MARCHF8: variants seen among roughly 807,000 people sequenced by gnomAD.
MARCHF8 encodes membrane associated ring-CH-type finger 8.
MARCHF8 carries 40 observed loss-of-function variants against 51.6 expected under a neutral mutation model. The ratio of observed to expected loss-of-function variants is 0.77; its 90% CI spans 0.60 to 1.01. The LOEUF (loss-of-function observed/expected upper bound fraction) is 1.01. Ranked by LOEUF, MARCHF8 falls within the 50% of genes least tolerant of loss-of-function variation. The pLI, the probability that MARCHF8 is intolerant of heterozygous loss-of-function variation, is 0.00. For synonymous variants in MARCHF8, 263 were observed against 280.3 expected (o/e 0.94, Z 0.62); for missense variants, 685 against 708.6 (o/e 0.97, Z 0.38).
chr10:45,519,858 T>C (rs958274001), intron 2 of MARCHF8, among the ~76,000 whole-genome samples: 1 of 152,178 alleles, frequency 6.6e-6, no homozygotes, highest in South Asian at 2.1e-4. Flanking sequence ...GTAAAACTTA[T>C]TGATGAGTGG....
At chr10:45,476,267 T>C (rs148030173) in intron 3 of MARCHF8, among the ~76,000 whole-genome samples, 6 of 152,246 alleles carry the variant, frequency 3.9e-5, no homozygotes, top group Admixed American at 6.5e-5. Context: ...AATAATGATA[T>C]TAAAACTCAG....
chr10:45,512,913 C>T (rs1017923531), intron 2 of MARCHF8, among the ~76,000 whole-genome samples: 4 of 152,048 alleles, frequency 2.6e-5, no homozygotes, highest in South Asian at 4.2e-4. Context: ...TCCTGTTGAT[C>T]GGTGACCTTA....
upstream of MARCHF8, among the ~76,000 whole-genome samples, chr10:45,537,110 G>A (rs2043984545): frequency 1.3e-5 from 2 of 151,854 alleles, no homozygotes; most frequent in African/African-American, 2.4e-5. Flanking sequence ...GTTATCATAT[G>A]ACCCAACAAC....
intron 2 of MARCHF8, among the ~76,000 whole-genome samples, chr10:45,508,958 T>C (rs779382169): frequency 1.3e-5 from 2 of 152,226 alleles, no homozygotes; most frequent in Non-Finnish European, 2.9e-5. Flanking sequence ...AAAAATTAAC[T>C]GCAGCCATTT....
intron 1 of MARCHF8, among the ~76,000 whole-genome samples, chr10:45,543,228 C>T (rs1166990616): frequency 1.3e-5 from 2 of 152,212 alleles, no homozygotes; most frequent in African/African-American, 2.4e-5. Context: ...TCCACCTCTG[C>T]AGATCTATCC....
At chr10:45,530,508 G>A (rs911504529) in intron 2 of MARCHF8, among the ~76,000 whole-genome samples, 1 of 152,216 alleles carries the variant, frequency 6.6e-6, no homozygotes, top group Non-Finnish European at 1.5e-5. Context: ...TGGGCCAGGT[G>A]CAGTGGCTCA....
intron 2 of MARCHF8, among the ~76,000 whole-genome samples, chr10:45,510,101 G>C (rs565169971): frequency 1.3e-5 from 2 of 152,208 alleles, no homozygotes; most frequent in African/African-American, 4.8e-5. Context: ...CTAACATCGG[G>C]AGGTTGGAAA....
intron 1 of MARCHF8, among the ~76,000 whole-genome samples, chr10:45,584,675 C>T (rs777387394): frequency 3.3e-5 from 5 of 152,162 alleles, no homozygotes; most frequent in South Asian, 2.1e-4. Context: ...GAAAGGACCA[C>T]GGAGATAAAA....
At chr10:45,478,899 G>C (rs919557612) in intron 3 of MARCHF8, among the ~76,000 whole-genome samples, 4 of 135,650 alleles carry the variant, frequency 2.9e-5, no homozygotes, top group Non-Finnish European at 6.8e-5. Flanking sequence ...TCCAGGATTG[G>C]ATGACTTCAC....
intron 7 of MARCHF8, 150 bp downstream of exon 7, chr10:45,458,969 GA>G (rs1369384984): frequency 1.1e-6 from 1 of 937,502 alleles, no homozygotes; most frequent in Non-Finnish European, 1.6e-6. Context: ...CACAGCAAAA[GA>G]AATGCCAAAA....
intron 3 of MARCHF8, among the ~76,000 whole-genome samples, chr10:45,487,207 C>A (rs2042996953): frequency 6.6e-6 from 1 of 152,126 alleles, no homozygotes; most frequent in African/African-American, 2.4e-5. Flanking sequence ...AATTCCAAAA[C>A]CCTTACAAAG....
chr10:45,533,241 C>G lies in MARCHF8; in HGVS notation c.-30G>C. Reference sequence around the variant, plus strand: ...ACCTCTTATCTGGTCGTCTTCTTCACAGAAGAGAGTCTCCACTGGTAGAGT... The same window carrying G: ...ACCTCTTATCTGGTCGTCTTCTTCAGAGAAGAGAGTCTCCACTGGTAGAGT... On this transcript the variant is annotated 5_prime_UTR_variant, in exon 2 of 8. Transcript: ENST00000453424. 6.3e-7 allele frequency: 1 copy of G among 1,587,202 alleles called. No individual in the cohort carries two copies. The highest frequency in any genetic ancestry group is 2.2e-5 in the East Asian group (1 of 44,502).
chr10:45,513,411 T>C (rs2043566910), intron 2 of MARCHF8, among the ~76,000 whole-genome samples: 1 of 152,058 alleles, frequency 6.6e-6, no homozygotes, highest in South Asian at 2.1e-4. Flanking sequence ...CTGCGAATGA[T>C]GAGTGAACAA....
At chr10:45,496,459 G>A (rs980456986) in intron 2 of MARCHF8, among the ~76,000 whole-genome samples, 1 of 152,022 alleles carries the variant, frequency 6.6e-6, no homozygotes, top group East Asian at 1.9e-4. Context: ...GAGATAAAGA[G>A]GGACTTCTAC....
chr10:45,461,554 A>G, intron 5 of MARCHF8, 143 bp from the exon 6 acceptor site: 1 of 553,258 alleles, frequency 1.8e-6, no homozygotes. Context: ...ATACAAACAC[A>G]AACGAAAACA....
At chr10:45,503,544 T>C (rs2043321874) in intron 2 of MARCHF8, among the ~76,000 whole-genome samples, 1 of 147,422 alleles carries the variant, frequency 6.8e-6, no homozygotes, top group Non-Finnish European at 1.5e-5. Flanking sequence ...CTCAAATAAA[T>C]AAATAAATAA....
chr10:45,511,705 CA>C (rs1423321183), intron 2 of MARCHF8, among the ~76,000 whole-genome samples: 1 of 152,236 alleles, frequency 6.6e-6, no homozygotes, highest in Non-Finnish European at 1.5e-5. Flanking sequence ...CTGGTTCACT[CA>C]GTGCTCAATG....
chr10:45,533,471 CATA>C (rs1331635418), intron 1 of MARCHF8, among the ~76,000 whole-genome samples, 182 bp from the exon 2 acceptor site: 2 of 152,304 alleles, frequency 1.3e-5, no homozygotes, highest in African/African-American at 2.4e-5. Context: ...TAACATTTCT[CATA>C]ATAAGATGGG....
At chr10:45,482,413 A>G (rs1188495727) in intron 3 of MARCHF8, among the ~76,000 whole-genome samples, 1 of 152,224 alleles carries the variant, frequency 6.6e-6, no homozygotes, top group Non-Finnish European at 1.5e-5. Flanking sequence ...ACTTCAAAGG[A>G]TATTACACAA....
Sources: allele counts gnomAD v4.1 joint callset (sites outside exome capture counted in the v4.1 genomes callset), GRCh38; gene constraint gnomAD v4.1.1; transcripts MANE v1.5; gene names NCBI Gene and HGNC (gene_info 2026-07-23, HGNC 2026-07-21).